Variants in AHNAK observed in about 807,000 individuals in gnomAD.
The protein encoded by AHNAK is neuroblast differentiation-associated protein AHNAK.
AHNAK carries 23 observed loss-of-function variants against 37.8 expected under a neutral mutation model. That is an observed-to-expected ratio of 0.61 (90% CI 0.44 to 0.86). The LOEUF (loss-of-function observed/expected upper bound fraction) is 0.86. Among genes scored for constraint, AHNAK ranks in the 40% least tolerant of loss-of-function variants. AHNAK has a pLI of 0.00. For synonymous variants in AHNAK, 2,481 were observed against 2,636.3 expected (o/e 0.94, Z 1.80); for missense variants, 7,411 against 7,319.4 (o/e 1.01, Z -0.46).
Position 62,443,188 on chromosome 11 carries a change from G to A in AHNAK, c.443-9297C>T, listed in dbSNP as rs567901050. ...TGATGGGGTTTCACCATATTGGCCA[G>A]GCTTGTCTCGAACTCCTGGCTTCAT... On this transcript the variant is annotated intron_variant, in intron 5 of 5. Coordinates refer to the AHNAK transcript ENST00000257247. 2.0e-5 allele frequency among the ~76,000 whole-genome samples: 3 copies of A among 151,442 alleles called. No homozygotes were observed. The Admixed American group carries it at 2.0e-4, about 10-fold the overall frequency.
intron 5 of AHNAK, among the ~76,000 whole-genome samples, chr11:62,459,919 C>T (rs1429330880): frequency 1.3e-5 from 2 of 152,094 alleles, no homozygotes; most frequent in African/African-American, 4.8e-5. Flanking sequence ...GCGGGCGGAT[C>T]ACCTGAGGTC....
At chr11:62,477,458 G>A (rs777009479) in intron 5 of AHNAK, among the ~76,000 whole-genome samples, 10 of 152,138 alleles carry the variant, frequency 6.6e-5, no homozygotes, top group African/African-American at 9.7e-5. Flanking sequence ...AACAAGCCCC[G>A]TGTCATGAGT....
intron 5 of AHNAK, among the ~76,000 whole-genome samples, chr11:62,489,575 T>C (rs1939461519): frequency 1.3e-5 from 2 of 151,908 alleles, no homozygotes; most frequent in East Asian, 1.9e-4. Context: ...ACCAAAAACA[T>C]TGGAAATGTT....
At chr11:62,484,053 A>G (rs113512475) in intron 5 of AHNAK, among the ~76,000 whole-genome samples, 49 of 150,356 alleles carry the variant, frequency 3.3e-4, no homozygotes, top group African/African-American at 1.1e-3. Flanking sequence ...AAAAAAAAAA[A>G]AAAGAAAGGG....
intron 5 of AHNAK, among the ~76,000 whole-genome samples, chr11:62,452,986 C>A (rs1271306473): frequency 6.6e-6 from 1 of 152,104 alleles, no homozygotes; most frequent in African/African-American, 2.4e-5. Flanking sequence ...GATCAAGCCA[C>A]TGCACTCCAG....
chr11:62,455,309 C>A (rs1276682834), intron 5 of AHNAK, among the ~76,000 whole-genome samples: 1 of 151,990 alleles, frequency 6.6e-6, no homozygotes, highest in African/African-American at 2.4e-5. Flanking sequence ...AGGAATTGGC[C>A]CCCTTAAGAG....
At chr11:62,433,900 CA>C in intron 5 of AHNAK, 1 of 1,613,054 alleles carries the variant, frequency 6.2e-7, no homozygotes, top group South Asian at 1.1e-5. Context: ...TCCTGTAAAA[CA>C]ACAACAAAGA....
At position 62,526,779 on chromosome 11, in the gene AHNAK, C is replaced by T; in HGVS notation, c.7638G>A (p.Val2546=). ...KADVDISGPK[V]DIEGPDVNIE... ...TATTAACATCAGGGCCTTCAATGTC[C>T]ACCTTGGGTCCTGAGATGTCAACGT... is the stretch of plus-strand genomic sequence containing the variant. The change falls in exon 5 of 5, where the codon GTG becomes GTA. Residue 2546 remains valine (V), a synonymous_variant. Transcript: ENST00000378024. 2 of 1,613,952 alleles carry T rather than the reference C, an allele frequency of 1.2e-6. No individual in the cohort carries two copies. Among genetic ancestry groups the T allele is most frequent in the Non-Finnish European group, 1.7e-6 (2 of 1,180,020 alleles).
rs143105736 is a variant in AHNAK at position 62,526,055 on chromosome 11, C to G, written c.8362G>C (p.Val2788Leu). The change falls in exon 5 of 5, where the codon GTG (valine) becomes CTG (leucine). Residue 2788 changes from valine (V) to leucine (L), a missense_variant. Transcript: ENST00000378024. ...GFKGEGPDVDVNLPKADIDVS... is the reference protein window; with the variant it reads ...GFKGEGPDVDLNLPKADIDVS... ...TCAATGTCAGCCTTGGGCAGGTTCA[C>G]GTCCACATCTGGACCTTCTCCTTTG... is the stretch of plus-strand genomic sequence containing the variant. The G allele has an allele frequency of 8.7e-6, 14 of 1,613,586 alleles. No individual in the cohort carries two copies. The highest frequency in any genetic ancestry group is 1.1e-5 in the Non-Finnish European group (13 of 1,179,958).
intron 5 of AHNAK, among the ~76,000 whole-genome samples, chr11:62,490,012 A>C (rs1038728365): frequency 1.3e-5 from 2 of 151,988 alleles, no homozygotes; most frequent in Non-Finnish European, 2.9e-5. Flanking sequence ...AAGTGGAATC[A>C]GCAAGAGCAG....
chr11:62,523,742 C>T lies in AHNAK; in HGVS notation c.10675G>A (p.Gly3559Ser). 6.2e-7 allele frequency: 1 copy of T among 1,613,848 alleles called. No homozygotes were observed. ...DLNLKGPKVK[G>S]DVDISLPKLE... The stretch of plus-strand genomic sequence containing the variant: ...TTGGGAAGAGAAATATCCACATCAC[C>T]TTTCACCTTGGGGCCTTTCAAGTTT... The change falls in exon 5 of 5, where the codon GGT (glycine) becomes AGT (serine). Residue 3559 changes from glycine (G) to serine (S), a missense_variant. Transcript: ENST00000378024.
At chr11:62,515,335 A>G (rs1259855498), downstream of AHNAK, among the ~76,000 whole-genome samples, 1 of 152,238 alleles carries the variant, frequency 6.6e-6, no homozygotes, top group Non-Finnish European at 1.5e-5. Context: ...CCTGGCCAAC[A>G]TGGTGAAACT....
rs149883015 is a variant in AHNAK at position 62,518,572 on chromosome 11, C to A, written c.15845G>T (p.Gly5282Val). ...CACTGAAGGCAAGTCTACTCCTGGC[C>A]CCTTTAGAGAAACATCGGGCCCTTC... Reference protein sequence around the residue: ...KLEGPDVSLKGPGVDLPSVNL... With the variant: ...KLEGPDVSLKVPGVDLPSVNL... The change falls in exon 5 of 5, where the codon GGG (glycine) becomes GTG (valine). Residue 5282 changes from glycine (G) to valine (V), a missense_variant. Gly to Val is a moderately radical substitution (Grantham distance 109, BLOSUM62 -3). Coordinates refer to ENST00000378024, the MANE Select transcript of AHNAK (RefSeq NM_001620.3). The A allele has an allele frequency of 6.4e-4, 1,035 of 1,614,144 alleles. 5 individuals carry two copies. The African/African-American group carries it at 0.012, about 18-fold the overall frequency.
In AHNAK at chr11:62,531,990, A is replaced by C; in HGVS notation, c.2427T>G (p.Pro809=). The change falls in exon 5 of 5, where the codon CCT becomes CCG. Residue 809 remains proline (P), a synonymous_variant. Coordinates refer to ENST00000378024, the MANE Select transcript of AHNAK (RefSeq NM_001620.3). The stretch of plus-strand genomic sequence containing the variant: ...TCTTGGGGACTTTGATGTTCATCTC[A>C]GGCATCTTAAACTTGGGCCCTTTCA... ...GKLKGPKFKM[P]EMNIKVPKIS... is the part of the protein sequence containing the mutation. 1 of 1,613,922 alleles carries C rather than the reference A, an allele frequency of 6.2e-7. No homozygotes were observed. The highest frequency in any genetic ancestry group is 1.3e-5 in the African/African-American group (1 of 74,946).
chr11:62,473,322 A>G (rs1426054617), intron 5 of AHNAK, among the ~76,000 whole-genome samples: 2 of 144,994 alleles, frequency 1.4e-5, no homozygotes, highest in Non-Finnish European at 3.0e-5. Context: ...GCTTGAACTC[A>G]GAGGTTGCAG....
At chr11:62,501,964 C>T (rs1017133963) in intron 4 of AHNAK, among the ~76,000 whole-genome samples, 9 of 152,186 alleles carry the variant, frequency 5.9e-5, no homozygotes, top group Non-Finnish European at 1.5e-5. Flanking sequence ...AATCAAAAGC[C>T]ACACTTCCTA....
intron 4 of AHNAK, among the ~76,000 whole-genome samples, chr11:62,496,290 GA>G (rs1754542075): frequency 6.6e-6 from 1 of 152,120 alleles, no homozygotes; most frequent in Non-Finnish European, 1.5e-5. Context: ...TCTGAAAAGT[GA>G]ACTTCAGGAA....
Position 62,451,581 on chromosome 11 carries a change from T to C in AHNAK, c.443-17690A>G, listed in dbSNP as rs540535978. Among the ~76,000 whole-genome samples the C allele has an allele frequency of 4.6e-5, 7 of 151,722 alleles. No individual in the cohort carries two copies. In the South Asian group the frequency reaches 1.5e-3, roughly 32 times the overall value. ...GATAAAACCCCGTCTCTACTAGAAA[T>C]ACAAAAATCATCCAGGCATAGTGGC... On this transcript the variant is annotated intron_variant, in intron 5 of 5. Coordinates refer to the AHNAK transcript ENST00000257247.
In AHNAK at chr11:62,539,953, G is replaced by A. The variant is rs544897372; in HGVS notation, c.-99-3386C>T. Among the ~76,000 whole-genome samples the A allele has an allele frequency of 3.0e-4, 45 of 152,374 alleles. 1 individual carries two copies. In the South Asian group the frequency reaches 9.1e-3, roughly 31 times the overall value. On this transcript the variant is annotated intron_variant, in intron 1 of 4. Transcript: ENST00000378024. ...AGGGGCGTGGGATACTGTGTAGCCA[G>A]GTTTCCCATTCTCTGCATTTGGGTC...
Sources: gnomAD v4.1 joint callset for allele counts (sites outside exome capture counted in the v4.1 genomes callset) on GRCh38, gnomAD v4.1.1 for gene constraint, MANE v1.5 for transcripts, NCBI Gene and HGNC (gene_info 2026-07-23, HGNC 2026-07-21) for gene names.